Variants in RARB observed in about 807,000 individuals in gnomAD.
RARB encodes the protein retinoic acid receptor beta, also known as HBV-activated protein.
Under a neutral mutation model 51.9 loss-of-function variants are expected in RARB, and 17 were observed. That is an observed-to-expected ratio of 0.33 (90% CI 0.22 to 0.49). RARB has a LOEUF of 0.49. RARB is among the 20% of genes least tolerant of loss of function. The pLI, the probability that RARB is intolerant of heterozygous loss-of-function variation, is 0.99. For missense variants in RARB, 369 were observed against 550.8 expected (o/e 0.67, Z 3.30); for synonymous variants, 215 against 195.4 (o/e 1.10, Z -0.84).
rs1165371805 is a variant in RARB, at chr3:25,597,371, A to AAAG, written c.*756_*758dup. The AAAG allele has an allele frequency of 6.6e-6, 1 of 151,824 alleles. No individual in the cohort carries two copies. The highest frequency in any genetic ancestry group is 1.5e-5 in the Non-Finnish European group (1 of 67,912). 9.4% of individuals were successfully genotyped at this position (151,824 alleles called of 1,614,324 possible). ...CAATTGTTAATGTCACTTTAAATTA[A>AAAG]AAGTGGTTTATTACTTGTTTAATGA... On this transcript the variant is annotated 3_prime_UTR_variant, in exon 8 of 8. Coordinates refer to ENST00000330688, the MANE Select transcript of RARB (RefSeq NM_000965.5).
intron 5 of RARB, among the ~76,000 whole-genome samples, chr3:25,279,516 T>C (rs983971956): frequency 6.6e-6 from 1 of 152,078 alleles, no homozygotes; most frequent in Non-Finnish European, 1.5e-5. Flanking sequence ...TAAGGGATCT[T>C]TTAATTGTAC....
intron 1 of RARB, among the ~76,000 whole-genome samples, chr3:24,854,290 C>A (rs933182382): frequency 3.3e-5 from 5 of 152,198 alleles, no homozygotes; most frequent in Admixed American, 6.5e-5. Flanking sequence ...GCTGCTCAAA[C>A]AACTCATGTT....
chr3:25,137,546 G>C (rs565837500), intron 4 of RARB, among the ~76,000 whole-genome samples: 40 of 152,126 alleles, frequency 2.6e-4, no homozygotes, highest in South Asian at 1.2e-3. Flanking sequence ...GATTTTAGTA[G>C]AAAATTTTCT....
In RARB at chr3:25,585,801, AC is replaced by A. The variant is rs372810599; in HGVS notation, c.786+5080del. Among the ~76,000 whole-genome samples, 45 of 152,288 alleles carry A rather than the reference AC, an allele frequency of 3.0e-4. No homozygotes were observed. The East Asian group carries it at 7.9e-3, about 27-fold the overall frequency. The stretch of plus-strand genomic sequence containing the variant: ...AGCGGGACTGATTGTATTTGTCAAC[AC>A]AGGAGGAAGCTCAGAGAGGGGAAGT... On this transcript the variant is annotated intron_variant, in intron 5 of 7. Transcript: ENST00000330688.
intron 3 of RARB, among the ~76,000 whole-genome samples, chr3:25,108,049 A>T (rs1224047234): frequency 6.6e-6 from 1 of 152,188 alleles, no homozygotes; most frequent in Non-Finnish European, 1.5e-5. Context: ...AGTAGATCTG[A>T]TCACCGAGCT....
At chr3:25,120,256 A>G (rs1699761268) in intron 3 of RARB, among the ~76,000 whole-genome samples, 2 of 152,130 alleles carry the variant, frequency 1.3e-5, no homozygotes, top group Non-Finnish European at 1.5e-5. Flanking sequence ...TAAACATTGG[A>G]GAGACAGTAG....
At chr3:25,224,991 T>C (rs1399230108) in intron 5 of RARB, among the ~76,000 whole-genome samples, 1 of 152,146 alleles carries the variant, frequency 6.6e-6, no homozygotes, top group Non-Finnish European at 1.5e-5. Flanking sequence ...TAGTCCTCTA[T>C]AGTACTCTAG....
At chr3:25,583,359 A>C (rs986988829) in intron 5 of RARB, among the ~76,000 whole-genome samples, 1 of 152,256 alleles carries the variant, frequency 6.6e-6, no homozygotes, top group Non-Finnish European at 1.5e-5. Context: ...ACAGACAGAC[A>C]GACCCAGGCT....
intron 2 of RARB, among the ~76,000 whole-genome samples, chr3:24,996,840 G>GA (rs894055521): frequency 1.3e-5 from 2 of 151,116 alleles, no homozygotes; most frequent in Non-Finnish European, 3.0e-5. Context: ...TTTGGTTTGT[G>GA]AAAAAAAAAT....
Position 25,596,505 on chromosome 3 carries a change from A to G in RARB, c.1236A>G (p.Gly412=). The change falls in exon 8 of 8, where the codon GGA becomes GGG. Residue 412 remains glycine, a synonymous_variant. Coordinates refer to ENST00000330688, the MANE Select transcript of RARB (RefSeq NM_000965.5). ...AAGAAATGCTGGAGAATTCTGAAGG[A>G]CATGAACCCTTGACCCCAAGTTCAA... is the stretch of plus-strand genomic sequence containing the variant. ...LIQEMLENSE[G]HEPLTPSSSG... The G allele has an allele frequency of 6.2e-7, 1 of 1,613,526 alleles. No homozygotes were observed. Among genetic ancestry groups the G allele is most frequent in the Non-Finnish European group, 8.5e-7 (1 of 1,179,478 alleles).
chr3:24,877,998 T>C (rs1443197311), intron 2 of RARB, among the ~76,000 whole-genome samples: 1 of 152,218 alleles, frequency 6.6e-6, no homozygotes, highest in Non-Finnish European at 1.5e-5. Context: ...CTCGGTTTCC[T>C]ATTGACATAA....
intron 3 of RARB, among the ~76,000 whole-genome samples, chr3:25,094,715 T>TTAA (rs1699261463): frequency 2.2e-4 from 1 of 4,628 alleles, no homozygotes; most frequent in Non-Finnish European, 4.2e-4. Flanking sequence ...AGACCCCATC[T>TTAA]CAAAAAAAAA....
chr3:25,353,370 T>G (rs1437280351), intron 5 of RARB, among the ~76,000 whole-genome samples: 1 of 152,158 alleles, frequency 6.6e-6, no homozygotes, highest in Non-Finnish European at 1.5e-5. Context: ...TTAAATTAAT[T>G]CATAATCATG....
intron 1 of RARB, among the ~76,000 whole-genome samples, chr3:25,452,128 G>T (rs1709221989): frequency 6.6e-6 from 1 of 152,190 alleles, no homozygotes; most frequent in Non-Finnish European, 1.5e-5. Flanking sequence ...GCAGTTAGAT[G>T]TGTCGGCCTG....
rs537575567 is a variant in RARB at position 24,935,384 on chromosome 3, T to A, written c.-380+76632T>A. Among the ~76,000 whole-genome samples the A allele has an allele frequency of 4.0e-4, 61 of 152,120 alleles. 1 individual carries two copies. The South Asian group carries it at 0.011, about 28-fold the overall frequency. ...CTTTAAAACCCACACACACCCACAC[T>A]CTCAGACACACTACAGCAGTATATG... On this transcript the variant is annotated intron_variant, in intron 2 of 11. Transcript: ENST00000383772.
At chr3:25,427,846 G>A (rs940612253), upstream of RARB, among the ~76,000 whole-genome samples, 5 of 152,136 alleles carry the variant, frequency 3.3e-5, no homozygotes, top group Non-Finnish European at 2.9e-5. Flanking sequence ...ACAGAAAGGC[G>A]CACAGAGGAA....
rs550244106 is a variant in RARB, at chr3:25,583,733, C to T, written c.786+3011C>T. 1.1e-4 allele frequency among the ~76,000 whole-genome samples: 17 copies of T among 152,340 alleles called. No individual in the cohort carries two copies. The East Asian group carries it at 1.2e-3, about 10-fold the overall frequency. On this transcript the variant is annotated intron_variant, in intron 5 of 7. Transcript: ENST00000330688. ...GACCATTTAGTGGGCAGCCCACAGC[C>T]GGGCTTCCTTCACGAGGTTGGGTCC... is the stretch of plus-strand genomic sequence containing the variant.
intron 5 of RARB, among the ~76,000 whole-genome samples, chr3:25,369,919 G>GA (rs553407828): frequency 1.3e-3 from 182 of 144,772 alleles, no homozygotes; most frequent in Non-Finnish European, 1.3e-3. Flanking sequence ...AACTGTCTCA[G>GA]AAAAAAAAAA....
chr3:24,902,203 C>CCA (rs1703623226), intron 2 of RARB, among the ~76,000 whole-genome samples: 1 of 152,114 alleles, frequency 6.6e-6, no homozygotes, highest in Non-Finnish European at 1.5e-5. Context: ...TAGAATTTGA[C>CCA]CACAGACTTA....
Sources: gnomAD v4.1 joint callset for allele counts (sites outside exome capture counted in the v4.1 genomes callset) on GRCh38, gnomAD v4.1.1 for gene constraint, MANE v1.5 for transcripts, NCBI Gene and HGNC (gene_info 2026-07-23, HGNC 2026-07-21) for gene names.